The following CFAP161 variants were observed in gnomAD, a reference collection of about 807,000 sequenced individuals.
CFAP161 encodes cilia and flagella associated protein 161.
A neutral mutation model predicts 29.0 loss-of-function variants in CFAP161; 25 were observed. The ratio of observed to expected loss-of-function variants is 0.86; its 90% CI spans 0.63 to 1.20. CFAP161 has a LOEUF of 1.20. Among genes scored for constraint, CFAP161 ranks in the 50% most tolerant of loss-of-function variants. CFAP161 has a pLI of 0.00. For synonymous variants in CFAP161, 116 were observed against 137.4 expected (o/e 0.84, Z 1.09); for missense variants, 367 against 371.9 (o/e 0.99, Z 0.11).
intron 3 of CFAP161, among the ~76,000 whole-genome samples, chr15:81,137,218 A>G (rs775062017): frequency 3.7e-4 from 56 of 152,188 alleles, no homozygotes; most frequent in Admixed American, 6.5e-4. Context: ...TGAACAATTA[A>G]ATCCTTAGAG....
intron 1 of CFAP161, among the ~76,000 whole-genome samples, chr15:81,125,962 C>T (rs562762034): frequency 1.2e-4 from 19 of 152,222 alleles, no homozygotes; most frequent in African/African-American, 3.9e-4. Flanking sequence ...CTCCGTCTCC[C>T]GGGTTCAAGT....
chr15:81,109,086 C>A (rs1274883560), intron 1 of CFAP161, among the ~76,000 whole-genome samples: 2 of 152,130 alleles, frequency 1.3e-5, no homozygotes, highest in Non-Finnish European at 2.9e-5. Flanking sequence ...TGAAGCTCTC[C>A]TGGGTGTTTA....
At chr15:81,138,920 C>A (rs367853913) in intron 4 of CFAP161, among the ~76,000 whole-genome samples, 3 of 152,288 alleles carry the variant, frequency 2.0e-5, no homozygotes, top group African/African-American at 7.2e-5. Context: ...AGAGCTAGTA[C>A]TATATCACAT....
chr15:81,133,031 A>G (rs577550166), upstream of CFAP161, among the ~76,000 whole-genome samples: 1 of 151,628 alleles, frequency 6.6e-6, no homozygotes, highest in Non-Finnish European at 1.5e-5. Flanking sequence ...TCCTATTTTT[A>G]TTCTACACTT....
rs1595920259 is a variant in CFAP161 at position 81,143,899 on chromosome 15, T to G, written c.636+79T>G. 2.7e-6 allele frequency: 4 copies of G among 1,454,830 alleles called. No individual in the cohort carries two copies. The East Asian group carries it at 9.3e-5, about 34-fold the overall frequency. The allele number at this position is 1,454,830 out of a possible 1,614,324, so 90.1% of individuals were successfully genotyped here. A position where few individuals can be genotyped will look rare whatever the true frequency, so the allele number is the denominator to read the frequency against. The stretch of plus-strand genomic sequence containing the variant: ...TTATTCCTGTCTATAACACACAGAC[T>G]TATAGCTCAAATGCCTTATGACTTT... On this transcript the variant is annotated intron_variant, in intron 5 of 6. Transcript: ENST00000286732.
At chr15:81,103,886 C>A (rs899090385) in intron 1 of CFAP161, among the ~76,000 whole-genome samples, 11 of 152,172 alleles carry the variant, frequency 7.2e-5, no homozygotes, top group African/African-American at 2.4e-4. Context: ...TTGGAGGGCA[C>A]CTAGCTGGTG....
upstream of CFAP161, among the ~76,000 whole-genome samples, chr15:81,131,533 T>C (rs1004092709): frequency 2.5e-4 from 38 of 152,234 alleles, no homozygotes; most frequent in African/African-American, 9.1e-4. Context: ...AAAAGTACCA[T>C]AACCAAAATA....
At chr15:81,108,443 G>A (rs1894401735) in intron 1 of CFAP161, among the ~76,000 whole-genome samples, 1 of 152,058 alleles carries the variant, frequency 6.6e-6, no homozygotes, top group Admixed American at 6.6e-5. Flanking sequence ...AGTAGAAAAG[G>A]CCCTGGACAA....
chr15:81,134,105 A>T, upstream of CFAP161: 1 of 537,844 alleles, frequency 1.9e-6, no homozygotes. Context: ...CCCACCCTGC[A>T]GTTAAGGAAA....
At chr15:81,146,831 A>AACATATATAT (rs1399613410) in intron 5 of CFAP161, among the ~76,000 whole-genome samples, 1 of 70,570 alleles carries the variant, frequency 1.4e-5, no homozygotes, top group East Asian at 3.7e-4. Flanking sequence ...GATAGCTACA[A>AACATATATAT]ATATATATAT....
At chr15:81,137,096 A>T (rs1304467953) in intron 3 of CFAP161, among the ~76,000 whole-genome samples, 7 of 149,246 alleles carry the variant, frequency 4.7e-5, no homozygotes, top group African/African-American at 1.5e-4. Flanking sequence ...TAATACGGCT[A>T]TTTTTTTTTT....
intron 1 of CFAP161, among the ~76,000 whole-genome samples, chr15:81,113,481 G>T (rs1339589004): frequency 6.6e-6 from 1 of 152,092 alleles, no homozygotes; most frequent in Non-Finnish European, 1.5e-5. Context: ...GCAAGTCCTG[G>T]GCCACCCATA....
At chr15:81,113,931 G>T (rs1218583688) in intron 1 of CFAP161, among the ~76,000 whole-genome samples, 1 of 152,206 alleles carries the variant, frequency 6.6e-6, no homozygotes, top group African/African-American at 2.4e-5. Context: ...TATAAATTCA[G>T]TGTGATCAAA....
In CFAP161 at chr15:81,148,497, A is replaced by G. The variant is rs368195935; in HGVS notation, c.870A>G (p.Arg290=). 1 of 1,614,068 alleles carries G rather than the reference A, an allele frequency of 6.2e-7. No homozygotes were observed. The highest frequency in any genetic ancestry group is 8.5e-7 in the Non-Finnish European group (1 of 1,180,034). The stretch of plus-strand genomic sequence containing the variant: ...CCAAACCACCCACAGAGGACACTCG[A>G]GCCATGGAGCAGGCCATGGGCCTTG... ...DLPKPPTEDT[R]AMEQAMGLDT... The change falls in exon 7 of 7, where the codon CGA becomes CGG. Residue 290 remains arginine, a synonymous_variant. Transcript: ENST00000286732.
chr15:81,143,135 A>C (rs1253954881), intron 4 of CFAP161, among the ~76,000 whole-genome samples: 1 of 151,956 alleles, frequency 6.6e-6, no homozygotes, highest in Non-Finnish European at 1.5e-5. Flanking sequence ...AAACAGTGGG[A>C]TCCTAGCTCT....
At chr15:81,126,615 G>T (rs1433633279) in intron 1 of CFAP161, among the ~76,000 whole-genome samples, 1 of 152,066 alleles carries the variant, frequency 6.6e-6, no homozygotes, top group African/African-American at 2.4e-5. Context: ...TTACGTTATT[G>T]CTCTGAGCTC....
At chr15:81,099,857 G>A (rs895895065) in intron 1 of CFAP161, among the ~76,000 whole-genome samples, 5 of 152,160 alleles carry the variant, frequency 3.3e-5, no homozygotes, top group Middle Eastern at 3.4e-3. Context: ...AGACCTAAAG[G>A]TAGGTAAATC....
intron 1 of CFAP161, among the ~76,000 whole-genome samples, chr15:81,102,208 G>A (rs955469425): frequency 2.0e-5 from 3 of 152,220 alleles, no homozygotes; most frequent in Admixed American, 2.0e-4. Context: ...CAGGAAAAGA[G>A]TGGTTCTGAT....
intron 1 of CFAP161, chr15:81,117,822 A>ATCCAACTCCTCTTCT: frequency 3.0e-6 from 1 of 331,072 alleles, no homozygotes; most frequent in Non-Finnish European, 5.9e-6. Flanking sequence ...CTTCCTCTTC[A>ATCCAACTCCTCTTCT]TCCAACTCCT....
Sources: gnomAD v4.1 joint callset for allele counts (sites outside exome capture counted in the v4.1 genomes callset) on GRCh38, gnomAD v4.1.1 for gene constraint, MANE v1.5 for transcripts, NCBI Gene and HGNC (gene_info 2026-07-23, HGNC 2026-07-21) for gene names.